Variants in ZMAT4 observed in about 807,000 individuals in gnomAD.
ZMAT4 encodes zinc finger matrin-type protein 4.
A neutral mutation model predicts 28.7 loss-of-function variants in ZMAT4; 17 were observed. The observed-to-expected ratio is 0.59, with a 90% CI of 0.41 to 0.89. ZMAT4 has a LOEUF of 0.89. Among genes scored for constraint, ZMAT4 ranks in the 40% least tolerant of loss-of-function variants. The pLI is 0.00. For synonymous variants in ZMAT4, 117 were observed against 109.2 expected, an observed-to-expected ratio of 1.07 and a Z score of -0.44; for missense variants, 240 against 283.8, an observed-to-expected ratio of 0.85 and a Z score of 1.11.
At chr8:40,892,648 G>A (rs1818736418) in intron 1 of ZMAT4, among the ~76,000 whole-genome samples, 1 of 152,232 alleles carries the variant, frequency 6.6e-6, no homozygotes, top group Non-Finnish European at 1.5e-5. Flanking sequence ...GGAGGACCTG[G>A]ATTCTGGTCC....
intron 3 of ZMAT4, among the ~76,000 whole-genome samples, chr8:40,700,872 C>T (rs535916326): frequency 1.3e-5 from 2 of 152,270 alleles, no homozygotes; most frequent in African/African-American, 4.8e-5. Context: ...GATGGCAAAA[C>T]TTCTTTAAGG....
At chr8:40,720,595 T>A (rs979878092) in intron 3 of ZMAT4, among the ~76,000 whole-genome samples, 6 of 151,234 alleles carry the variant, frequency 4.0e-5, no homozygotes, top group Non-Finnish European at 8.8e-5. Flanking sequence ...TGGCATGATT[T>A]TGGCTCACTG....
intron 5 of ZMAT4, among the ~76,000 whole-genome samples, chr8:40,620,188 G>GA (rs777629576): frequency 1.3e-5 from 2 of 152,314 alleles, no homozygotes; most frequent in Non-Finnish European, 2.9e-5. Flanking sequence ...TATGCGTACT[G>GA]ACCACCTTGT....
intron 1 of ZMAT4, among the ~76,000 whole-genome samples, chr8:40,893,629 G>A (rs1167053364): frequency 1.3e-5 from 2 of 152,162 alleles, no homozygotes; most frequent in Non-Finnish European, 2.9e-5. Context: ...ACTAGCAGGT[G>A]CCTGGAATTT....
At chr8:40,693,934 G>T (rs1006752826) in intron 4 of ZMAT4, among the ~76,000 whole-genome samples, 5 of 152,202 alleles carry the variant, frequency 3.3e-5, no homozygotes, top group African/African-American at 1.2e-4. Flanking sequence ...GCAATGAGTT[G>T]TGGTTCAATT....
intron 2 of ZMAT4, among the ~76,000 whole-genome samples, chr8:40,778,024 C>CG (rs1813677195): frequency 6.6e-6 from 1 of 152,216 alleles, no homozygotes; most frequent in Non-Finnish European, 1.5e-5. Context: ...GGCTGTTGCT[C>CG]TTTAAATACT....
chr8:40,629,907 T>C (rs961966255), intron 5 of ZMAT4, among the ~76,000 whole-genome samples: 2 of 152,200 alleles, frequency 1.3e-5, no homozygotes, highest in African/African-American at 4.8e-5. Context: ...TTTATAATCC[T>C]TTAGGTATAT....
At chr8:40,784,201 T>C (rs1054032497) in intron 2 of ZMAT4, among the ~76,000 whole-genome samples, 4 of 152,188 alleles carry the variant, frequency 2.6e-5, no homozygotes, top group African/African-American at 9.7e-5. Flanking sequence ...GAATACAACA[T>C]TGTGTTTTTT....
intron 5 of ZMAT4, among the ~76,000 whole-genome samples, chr8:40,601,540 AG>A (rs1805334871): frequency 6.8e-6 from 1 of 146,554 alleles, no homozygotes; most frequent in Admixed American, 6.9e-5. Context: ...AGAAAGGGGA[AG>A]GGGGAGTGAG....
intron 5 of ZMAT4, among the ~76,000 whole-genome samples, chr8:40,598,059 AT>A (rs34348947): frequency 2.1e-5 from 3 of 144,844 alleles, no homozygotes; most frequent in East Asian, 1.9e-4. Context: ...AGCTCCCTGA[AT>A]TTTTTTTATA....
intron 2 of ZMAT4, among the ~76,000 whole-genome samples, chr8:40,820,459 T>TG (rs908289283): frequency 8.1e-5 from 10 of 123,086 alleles, no homozygotes; most frequent in Admixed American, 1.6e-4. Context: ...GTGGGGTGTC[T>TG]GGGGGTGTAT....
At chr8:40,740,577 G>A (rs563801630) in intron 3 of ZMAT4, among the ~76,000 whole-genome samples, 1 of 152,256 alleles carries the variant, frequency 6.6e-6, no homozygotes, top group East Asian at 1.9e-4. Flanking sequence ...TAAAATATCG[G>A]TTTTTATTGG....
At chr8:40,893,244 G>A (rs1374246406) in intron 1 of ZMAT4, among the ~76,000 whole-genome samples, 1 of 152,164 alleles carries the variant, frequency 6.6e-6, no homozygotes, top group Non-Finnish European at 1.5e-5. Flanking sequence ...TGATCACCAT[G>A]GCCCGCACGA....
At chr8:40,627,855 G>A (rs562469509) in intron 5 of ZMAT4, among the ~76,000 whole-genome samples, 1 of 152,124 alleles carries the variant, frequency 6.6e-6, no homozygotes, top group African/African-American at 2.4e-5. Flanking sequence ...GGGCGGGAGG[G>A]AAAGATAAGT....
At chr8:40,569,519 TG>T (rs918308329) in intron 6 of ZMAT4, among the ~76,000 whole-genome samples, 4 of 152,236 alleles carry the variant, frequency 2.6e-5, no homozygotes, top group African/African-American at 9.6e-5. Context: ...TCCAGCAGCC[TG>T]GGCTGCTCAG....
intron 6 of ZMAT4, among the ~76,000 whole-genome samples, chr8:40,579,407 T>TG (rs1165111747): frequency 5.9e-5 from 9 of 152,052 alleles, no homozygotes; most frequent in Non-Finnish European, 1.2e-4. Flanking sequence ...GAAAACAGCT[T>TG]GGGGGGATGA....
At chr8:40,651,075 A>C (rs1807622993) in intron 5 of ZMAT4, among the ~76,000 whole-genome samples, 1 of 151,996 alleles carries the variant, frequency 6.6e-6, no homozygotes, top group Admixed American at 6.6e-5. Flanking sequence ...AGTTCTGGAC[A>C]GGGCAATTAG....
intron 3 of ZMAT4, among the ~76,000 whole-genome samples, chr8:40,754,740 G>A (rs1314503152): frequency 1.3e-5 from 2 of 152,190 alleles, no homozygotes; most frequent in Non-Finnish European, 2.9e-5. Context: ...GACCAGGTGG[G>A]CTGACTGTTG....
intron 1 of ZMAT4, among the ~76,000 whole-genome samples, chr8:40,885,097 C>T (rs901480683): frequency 2.6e-5 from 4 of 152,128 alleles, no homozygotes; most frequent in Non-Finnish European, 5.9e-5. Flanking sequence ...CCAGGGTTGT[C>T]TAGCTTAGAG....
Sources: allele counts gnomAD v4.1 joint callset (sites outside exome capture counted in the v4.1 genomes callset), GRCh38; gene constraint gnomAD v4.1.1; transcripts MANE v1.5; gene names NCBI Gene and HGNC (gene_info 2026-07-23, HGNC 2026-07-21).